Variants in LRIG1 observed in about 807,000 individuals in gnomAD.
LRIG1 encodes leucine rich repeats and immunoglobulin like domains 1, also known as leucine-rich repeats and immunoglobulin-like domains protein 1.
Under a neutral mutation model 99.2 loss-of-function variants are expected in LRIG1, and 48 were observed. That is an observed-to-expected ratio of 0.48 (90% confidence interval 0.38 to 0.62). LRIG1 has a LOEUF of 0.62. Ranked by LOEUF, LRIG1 falls within the 20% of genes least tolerant of loss-of-function variation. LRIG1 has a pLI of 0.00. For synonymous variants in LRIG1, 772 were observed against 596.1 expected, an observed-to-expected ratio of 1.29 and a Z score of -4.30; for missense variants, 1,646 against 1,434.4, an observed-to-expected ratio of 1.15 and a Z score of -2.38.
intron 1 of LRIG1, among the ~76,000 whole-genome samples, chr3:66,499,162 T>C (rs77547931): frequency 0.018 from 2,686 of 151,884 alleles, 90 homozygotes; most frequent in African/African-American, 0.062. Context: ...TGCACCAGAT[T>C]TGTTAGAAGT....
At chr3:66,407,158 T>G (rs1480562209) in intron 8 of LRIG1, among the ~76,000 whole-genome samples, 190 bp downstream of exon 8, 2 of 152,100 alleles carry the variant, frequency 1.3e-5, no homozygotes, top group Non-Finnish European at 2.9e-5. Flanking sequence ...AATGAGAGAT[T>G]TTTCTGCTTA....
intron 1 of LRIG1, among the ~76,000 whole-genome samples, chr3:66,481,054 T>C (rs867637659): frequency 3.3e-5 from 5 of 152,104 alleles, no homozygotes; most frequent in South Asian, 2.1e-4. Context: ...TTGAAGTTGA[T>C]TGAAAACAGA....
At chr3:66,472,923 C>T (rs2106872010) in intron 1 of LRIG1, among the ~76,000 whole-genome samples, 1 of 152,236 alleles carries the variant, frequency 6.6e-6, no homozygotes, top group Admixed American at 6.5e-5. Flanking sequence ...ACAATTCACT[C>T]TCTAACATAA....
chr3:66,396,242 A>AG (rs1001235735), intron 11 of LRIG1, among the ~76,000 whole-genome samples: 7 of 152,158 alleles, frequency 4.6e-5, no homozygotes, highest in African/African-American at 1.7e-4. Flanking sequence ...ATACATGGGG[A>AG]GGGCCTGGGG....
intron 9 of LRIG1, chr3:66,404,559 T>C (rs1362962959): frequency 2.3e-6 from 1 of 427,144 alleles, no homozygotes; most frequent in Non-Finnish European, 3.6e-6. Context: ...GCCAGCCGTG[T>C]AGTTTTGGGC....
In LRIG1 at chr3:66,380,419, T is replaced by A; in HGVS notation, c.3126A>T (p.Leu1042Phe). The change falls in exon 19 of 19, where the codon TTA (leucine) becomes TTT (phenylalanine). Residue 1042 changes from leucine (L) to phenylalanine (F), a missense_variant. By Grantham distance (22) the Leu-to-Phe change is conservative. Coordinates refer to ENST00000273261, the MANE Select transcript of LRIG1 (RefSeq NM_015541.3). ...DSTELQPASS[L>F]TSGSPERAEA... is the part of the protein sequence containing the mutation. ...CCGCGCGCTCTGGACTGCCTGAAGT[T>A]AATGAAGATGCAGGCTGTAGCTCTG... 11 of 1,614,190 alleles carry A rather than the reference T, an allele frequency of 6.8e-6. No individual in the cohort carries two copies. The highest frequency in any genetic ancestry group is 9.3e-6 in the Non-Finnish European group (11 of 1,180,030).
intron 2 of LRIG1, among the ~76,000 whole-genome samples, chr3:66,458,003 C>A (rs1700269061): frequency 6.6e-6 from 1 of 152,212 alleles, no homozygotes; most frequent in South Asian, 2.1e-4. Context: ...AGTGCAGCCG[C>A]CAAGGTTAGC....
chr3:66,438,484 C>G (rs1339035658), intron 3 of LRIG1, among the ~76,000 whole-genome samples: 4 of 152,118 alleles, frequency 2.6e-5, no homozygotes, highest in Non-Finnish European at 4.4e-5. Context: ...GAACAGAAGT[C>G]ACAAAGAGAA....
chr3:66,383,467 T>C, intron 14 of LRIG1, 66 bp from the exon 15 acceptor site: 1 of 1,390,682 alleles, frequency 7.2e-7, no homozygotes, highest in South Asian at 1.4e-5. Flanking sequence ...CTGCCCGGTC[T>C]TCTGGACAAC....
chr3:66,397,372 AACC>A (rs1701891251), intron 11 of LRIG1, among the ~76,000 whole-genome samples: 1 of 151,718 alleles, frequency 6.6e-6, no homozygotes, highest in African/African-American at 2.4e-5. Flanking sequence ...CACTTCTAGG[AACC>A]AAAAGTTACC....
At chr3:66,433,388 CCT>C (rs1703243401) in intron 3 of LRIG1, among the ~76,000 whole-genome samples, 1 of 152,220 alleles carries the variant, frequency 6.6e-6, no homozygotes, top group South Asian at 2.1e-4. Context: ...GCTAAAGCTC[CCT>C]CTGAGGTTAC....
chr3:66,405,472 A>G (rs1386314573), intron 8 of LRIG1, among the ~76,000 whole-genome samples, 194 bp from the exon 9 acceptor site: 1 of 152,154 alleles, frequency 6.6e-6, no homozygotes, highest in Non-Finnish European at 1.5e-5. Context: ...CCAAGATGAC[A>G]CATGCCTTAG....
Position 66,410,064 on chromosome 3 carries a change from C to T in LRIG1, c.935+65G>A, listed in dbSNP as rs543318458. The T allele has an allele frequency of 6.6e-5, 101 of 1,529,614 alleles. 2 individuals carry two copies. The South Asian group carries it at 1.1e-3, about 17-fold the overall frequency. The allele number at this position is 1,529,614 out of a possible 1,614,324, so 94.8% of individuals were successfully genotyped here. The stretch of plus-strand genomic sequence containing the variant: ...CACTGTGTGGTGGAACGAACCAGGC[C>T]TAGCACTTTCACCTCCAAGCAGTGT... On this transcript the variant is annotated intron_variant, in intron 7 of 18. Transcript: ENST00000273261.
intron 9 of LRIG1, among the ~76,000 whole-genome samples, chr3:66,402,816 C>A (rs1702111228): frequency 6.6e-6 from 1 of 152,218 alleles, no homozygotes; most frequent in African/African-American, 2.4e-5. Flanking sequence ...CAGAGCAACA[C>A]AGTGCTGTCT....
intron 3 of LRIG1, among the ~76,000 whole-genome samples, chr3:66,436,000 A>C (rs1380687726): frequency 6.6e-6 from 1 of 152,214 alleles, no homozygotes; most frequent in East Asian, 1.9e-4. Flanking sequence ...CCAAGCACCA[A>C]CTACCACTGG....
chr3:66,460,116 CCTAT>C (rs1376946575), intron 2 of LRIG1, among the ~76,000 whole-genome samples: 1 of 152,118 alleles, frequency 6.6e-6, no homozygotes, highest in Admixed American at 6.5e-5. Context: ...CAGTCCCAGC[CCTAT>C]CTGTGTCCTG....
intron 3 of LRIG1, among the ~76,000 whole-genome samples, chr3:66,450,421 T>C (rs1372541419): frequency 6.6e-6 from 1 of 152,148 alleles, no homozygotes; most frequent in African/African-American, 2.4e-5. Flanking sequence ...ATTATGTAAA[T>C]GAGGGAAACG....
chr3:66,382,648 C>A (rs765472740), intron 15 of LRIG1, among the ~76,000 whole-genome samples: 1 of 152,178 alleles, frequency 6.6e-6, no homozygotes, highest in Non-Finnish European at 1.5e-5. Context: ...GATGGAAAGC[C>A]GGGGCTCACA....
rs531408143 is a variant in LRIG1 at position 66,461,718 on chromosome 3, T to C, written c.290+720A>G. ...TATACTACATATATGTGAAGGTTTC[T>C]ATAAAGTCTCCATGAAACTAAAATT... is the stretch of plus-strand genomic sequence containing the variant. On this transcript the variant is annotated intron_variant, in intron 2 of 18. Transcript: ENST00000273261. Among the ~76,000 whole-genome samples the C allele has an allele frequency of 2.0e-5, 3 of 152,344 alleles. No individual in the cohort carries two copies. The South Asian group carries it at 6.2e-4, about 32-fold the overall frequency.
Sources: allele counts gnomAD v4.1 joint callset (sites outside exome capture counted in the v4.1 genomes callset), GRCh38; gene constraint gnomAD v4.1.1; transcripts MANE v1.5; gene names NCBI Gene and HGNC (gene_info 2026-07-23, HGNC 2026-07-21).